Variants in NXPH1 observed in about 807,000 individuals in gnomAD.
NXPH1 encodes neurexophilin-1.
Under a neutral mutation model 23.7 loss-of-function variants are expected in NXPH1, and 5 were observed. That is an observed-to-expected ratio of 0.21 (90% CI 0.11 to 0.44). NXPH1 has a LOEUF of 0.44. NXPH1 is among the 20% of genes least tolerant of loss of function. The probability of loss-of-function intolerance (pLI) is 0.99; values close to 1 mark genes in which losing one functional copy is unlikely to be tolerated. For synonymous variants in NXPH1, 144 were observed against 122.2 expected, an observed-to-expected ratio of 1.18 and a Z score of -1.18; for missense variants, 324 against 321.6, an observed-to-expected ratio of 1.01 and a Z score of -0.06.
intron 2 of NXPH1, among the ~76,000 whole-genome samples, chr7:8,458,901 C>T (rs1399575965): frequency 6.6e-6 from 1 of 152,112 alleles, no homozygotes; most frequent in Non-Finnish European, 1.5e-5. Flanking sequence ...AAGATCCCTC[C>T]TGGCATGGAA....
chr7:8,739,433 G>A (rs1039432776), intron 2 of NXPH1, among the ~76,000 whole-genome samples: 2 of 151,980 alleles, frequency 1.3e-5, no homozygotes, highest in African/African-American at 4.8e-5. Flanking sequence ...TCCTGGGTGA[G>A]GCAACACCCC....
intron 2 of NXPH1, among the ~76,000 whole-genome samples, chr7:8,649,588 C>T (rs1820458013): frequency 4.6e-5 from 7 of 152,068 alleles, no homozygotes; most frequent in South Asian, 2.1e-4. Context: ...TTTGGAGACG[C>T]GTTCTTTCCA....
intron 2 of NXPH1, among the ~76,000 whole-genome samples, chr7:8,458,612 G>T (rs1459784813): frequency 6.6e-6 from 1 of 152,154 alleles, no homozygotes; most frequent in Non-Finnish European, 1.5e-5. Context: ...ATGTCCTTCA[G>T]TATTTCTCCT....
chr7:8,714,187 G>A (rs1779841893), intron 2 of NXPH1, among the ~76,000 whole-genome samples: 1 of 152,058 alleles, frequency 6.6e-6, no homozygotes, highest in African/African-American at 2.4e-5. Flanking sequence ...CCTTTCTCCT[G>A]GGAGAGGAGC....
intron 2 of NXPH1, among the ~76,000 whole-genome samples, chr7:8,682,346 GTA>G (rs1821069024): frequency 6.6e-6 from 1 of 152,182 alleles, no homozygotes; most frequent in African/African-American, 2.4e-5. Context: ...GATCAGGAGA[GTA>G]TGTGTTTTAA....
chr7:8,457,065 GT>G (rs934434363), intron 2 of NXPH1, among the ~76,000 whole-genome samples: 1 of 152,090 alleles, frequency 6.6e-6, no homozygotes, highest in Non-Finnish European at 1.5e-5. Context: ...TGATACGAGG[GT>G]TTTTAAAAAC....
At chr7:8,438,266 T>C (rs778723821) in intron 2 of NXPH1, among the ~76,000 whole-genome samples, 2 of 152,258 alleles carry the variant, frequency 1.3e-5, no homozygotes, top group African/African-American at 4.8e-5. Flanking sequence ...AAATACCAGA[T>C]ACAGTTAACT....
chr7:8,474,929 C>G (rs891470599), intron 2 of NXPH1, among the ~76,000 whole-genome samples: 17 of 152,090 alleles, frequency 1.1e-4, no homozygotes, highest in Admixed American at 5.2e-4. Flanking sequence ...CCAGGGTGAG[C>G]AGAATGAATG....
rs148260681 is a variant in NXPH1 at position 8,633,525 on chromosome 7, C to T, written c.55-117483C>T. ...TTGTACTACAGTGTTGCGTGACAAC[C>T]GAATTTCTCAGTAGAATACTGAATT... On this transcript the variant is annotated intron_variant, in intron 2 of 2. Transcript: ENST00000405863. Among the ~76,000 whole-genome samples the T allele has an allele frequency of 2.5e-3, 375 of 152,240 alleles. 2 individuals carry two copies. Among genetic ancestry groups the T allele is most frequent in the Middle Eastern group, 0.024 (7 of 294 alleles).
At chr7:8,570,419 C>T (rs1447513498) in intron 2 of NXPH1, among the ~76,000 whole-genome samples, 1 of 151,812 alleles carries the variant, frequency 6.6e-6, no homozygotes. Flanking sequence ...TAGAATAGTA[C>T]TTACCTTATA....
chr7:8,731,074 G>A (rs968907636), intron 2 of NXPH1, among the ~76,000 whole-genome samples: 27 of 150,098 alleles, frequency 1.8e-4, no homozygotes, highest in South Asian at 6.4e-4. Flanking sequence ...TTCCCTTCTC[G>A]CTTCATTTCA....
intron 2 of NXPH1, among the ~76,000 whole-genome samples, chr7:8,471,318 G>A (rs551148598): frequency 5.3e-4 from 80 of 152,300 alleles, no homozygotes; most frequent in African/African-American, 1.9e-3. Flanking sequence ...CTCACTCTGA[G>A]GGGAAGGATT....
At chr7:8,619,000 T>C (rs1434116719) in intron 2 of NXPH1, among the ~76,000 whole-genome samples, 1 of 152,172 alleles carries the variant, frequency 6.6e-6, no homozygotes. Context: ...TGTGTTACTA[T>C]TTTTAAGCAG....
chr7:8,602,219 C>T (rs1211855114), intron 2 of NXPH1, among the ~76,000 whole-genome samples: 1 of 152,102 alleles, frequency 6.6e-6, no homozygotes, highest in Non-Finnish European at 1.5e-5. Context: ...AGTTATTTCT[C>T]TTTATATTTA....
chr7:8,746,001 C>T (rs985424274), intron 2 of NXPH1, among the ~76,000 whole-genome samples: 2 of 152,146 alleles, frequency 1.3e-5, no homozygotes, highest in Non-Finnish European at 2.9e-5. Context: ...ACTATGATTG[C>T]TGGAATGTTA....
chr7:8,535,350 A>T (rs1251515279), intron 2 of NXPH1, among the ~76,000 whole-genome samples: 1 of 152,100 alleles, frequency 6.6e-6, no homozygotes, highest in Non-Finnish European at 1.5e-5. Flanking sequence ...GATTTTTTGA[A>T]AAGATTTGTT....
Position 8,476,912 on chromosome 7 carries a change from A to C in NXPH1, c.54+41145A>C, listed in dbSNP as rs993480606. 3.9e-5 allele frequency among the ~76,000 whole-genome samples: 6 copies of C among 152,308 alleles called. No homozygotes were observed. The East Asian group carries it at 7.7e-4, about 20-fold the overall frequency. ...TAGAACTATTCCCAGAGCTGACTATAGGAGATCACAATGTACCTATTTCCT... is the reference window on the plus strand; with the variant it reads ...TAGAACTATTCCCAGAGCTGACTATCGGAGATCACAATGTACCTATTTCCT... On this transcript the variant is annotated intron_variant, in intron 2 of 2. Transcript: ENST00000405863.
intron 2 of NXPH1, among the ~76,000 whole-genome samples, chr7:8,473,733 GTGTGT>G (rs1345122772): frequency 5.8e-5 from 8 of 137,256 alleles, no homozygotes; most frequent in African/African-American, 1.9e-4. Flanking sequence ...AGAATGCTGT[GTGTGT>G]TTTTTTTTTT....
chr7:8,483,965 CTT>C (rs60436502), intron 2 of NXPH1, among the ~76,000 whole-genome samples: 108 of 132,286 alleles, frequency 8.2e-4, no homozygotes, highest in African/African-American at 3.0e-3. Flanking sequence ...CTCCCCCCAC[CTT>C]TTTTTTTTTT....
Sources: gnomAD v4.1 joint callset for allele counts (sites outside exome capture counted in the v4.1 genomes callset) on GRCh38, gnomAD v4.1.1 for gene constraint, MANE v1.5 for transcripts, NCBI Gene and HGNC (gene_info 2026-07-23, HGNC 2026-07-21) for gene names.